The following RYR2 variants were observed in gnomAD, a reference collection of about 807,000 sequenced individuals.
RYR2 encodes the protein ryanodine receptor 2.
In RYR2, 227 loss-of-function variants were observed where a neutral mutation model predicts 601.1. The ratio of observed to expected loss-of-function variants is 0.38; its 90% CI spans 0.34 to 0.42. The LOEUF is 0.42. Ranked by LOEUF, RYR2 falls within the 10% of genes least tolerant of loss-of-function variation. RYR2 has a pLI of 1.00. For missense variants in RYR2, 4,646 were observed against 6,156.5 expected (o/e 0.75, Z 8.21); for synonymous variants, 2,223 against 2,175.1 (o/e 1.02, Z -0.61).
intron 90 of RYR2, 105 bp downstream of exon 90, chr1:237,785,077 A>G: frequency 1.2e-6 from 1 of 832,142 alleles, no homozygotes; most frequent in Non-Finnish European, 2.0e-6. Context: ...GGTGTTACCT[A>G]TGTGACTTGA....
At chr1:237,165,897 A>G (rs2148883007) in intron 1 of RYR2, among the ~76,000 whole-genome samples, 1 of 152,252 alleles carries the variant, frequency 6.6e-6, no homozygotes, top group East Asian at 1.9e-4. Context: ...TTGTCAGGCA[A>G]GGGTGTGAGG....
In RYR2 at chr1:237,773,597, A is replaced by C; in HGVS notation, c.11724A>C (p.Lys3908Asn). 6.2e-7 allele frequency: 1 copy of C among 1,611,104 alleles called. No individual in the cohort carries two copies. The highest frequency in any genetic ancestry group is 8.5e-7 in the Non-Finnish European group (1 of 1,177,644). Reference protein sequence around the residue: ...IDEQGQRNFSKAIQVAKQVFN... With the variant: ...IDEQGQRNFSNAIQVAKQVFN... ...AACAAGGACAACGGAATTTCTCCAA[A>C]GCTATCCAAGTGGCAAAACAAGTCT... The change falls in exon 87 of 105, where the codon AAA becomes AAC. Residue 3908 changes from lysine (K) to asparagine (N), a missense_variant. By Grantham distance (94) the Lys-to-Asn change is moderately conservative. Transcript: ENST00000366574.
At chr1:237,631,204 T>C (rs1680209927) in intron 41 of RYR2, among the ~76,000 whole-genome samples, 1 of 152,218 alleles carries the variant, frequency 6.6e-6, no homozygotes, top group Non-Finnish European at 1.5e-5. Context: ...TTACTATGTT[T>C]ATTACAATGG....
At chr1:237,146,536 C>T (rs1047459294) in intron 1 of RYR2, among the ~76,000 whole-genome samples, 6 of 152,236 alleles carry the variant, frequency 3.9e-5, no homozygotes, top group East Asian at 3.9e-4. Flanking sequence ...TTGCAGGATG[C>T]GCTCCTTCTT....
intron 1 of RYR2, among the ~76,000 whole-genome samples, chr1:237,243,003 T>G (rs147418245): frequency 2.6e-5 from 4 of 152,292 alleles, no homozygotes; most frequent in African/African-American, 9.6e-5. Flanking sequence ...CCCCACTGTT[T>G]CTTGGCAGTG....
At chr1:237,527,685 G>A (rs1216838984) in intron 24 of RYR2, among the ~76,000 whole-genome samples, 2 of 151,830 alleles carry the variant, frequency 1.3e-5, no homozygotes, top group Non-Finnish European at 2.9e-5. Flanking sequence ...TATCCTTCTT[G>A]GAATATCTTA....
Position 237,050,792 on chromosome 1 carries a change from A to G in RYR2, c.48+8223A>G, listed in dbSNP as rs563416521. Among the ~76,000 whole-genome samples the G allele has an allele frequency of 3.9e-5, 6 of 152,368 alleles. No homozygotes were observed. The East Asian group carries it at 1.2e-3, about 29-fold the overall frequency. On this transcript the variant is annotated intron_variant, in intron 1 of 104. Transcript: ENST00000366574. ...AGTCAATTGGGATATTGTTAAAATG[A>G]AGCCGAACAGCACACTGAGGTGATA...
intron 1 of RYR2, among the ~76,000 whole-genome samples, chr1:237,125,966 G>A (rs1363017712): frequency 6.6e-6 from 1 of 152,250 alleles, no homozygotes; most frequent in Non-Finnish European, 1.5e-5. Context: ...GCCGGGCACA[G>A]TGGCTCACGC....
At chr1:237,373,520 G>T (rs539427094) in intron 6 of RYR2, among the ~76,000 whole-genome samples, 2 of 152,278 alleles carry the variant, frequency 1.3e-5, no homozygotes, top group South Asian at 4.1e-4. Flanking sequence ...CACTTGCTTC[G>T]TGATGGTAGT....
At chr1:237,363,488 T>C (rs1369392688) in intron 4 of RYR2, among the ~76,000 whole-genome samples, 1 of 152,072 alleles carries the variant, frequency 6.6e-6, no homozygotes, top group Non-Finnish European at 1.5e-5. Flanking sequence ...ATTGGAAAAC[T>C]TTTCCTTGCT....
chr1:237,099,298 C>T (rs902183299), intron 1 of RYR2, among the ~76,000 whole-genome samples: 4 of 151,972 alleles, frequency 2.6e-5, no homozygotes, highest in East Asian at 1.9e-4. Context: ...AGTGTGGTGG[C>T]GTGATCATGG....
chr1:237,183,825 A>G (rs1209279350), intron 1 of RYR2, among the ~76,000 whole-genome samples: 1 of 152,196 alleles, frequency 6.6e-6, no homozygotes, highest in Non-Finnish European at 1.5e-5. Flanking sequence ...GGCCAGTGAG[A>G]AGGGAGGACA....
At chr1:237,762,592 T>G (rs531709228) in intron 84 of RYR2, among the ~76,000 whole-genome samples, 192 of 152,324 alleles carry the variant, frequency 1.3e-3, no homozygotes, top group African/African-American at 4.4e-3. Flanking sequence ...GTTATTTTCC[T>G]CAGCCTCCTT....
At chr1:237,428,553 C>G (rs1397853715) in intron 12 of RYR2, among the ~76,000 whole-genome samples, 1 of 151,232 alleles carries the variant, frequency 6.6e-6, no homozygotes, top group Non-Finnish European at 1.5e-5. Context: ...ACAGTGAGAA[C>G]ACATGGACAC....
chr1:237,440,088 A>T (rs1432527215), intron 12 of RYR2, among the ~76,000 whole-genome samples: 2 of 152,164 alleles, frequency 1.3e-5, no homozygotes, highest in Non-Finnish European at 2.9e-5. Context: ...GTTGACCTTG[A>T]CATTTTGTGT....
chr1:237,577,599 G>A (rs902432970), intron 29 of RYR2, among the ~76,000 whole-genome samples: 7 of 151,664 alleles, frequency 4.6e-5, no homozygotes, highest in African/African-American at 1.7e-4. Context: ...GTCAGGGAAA[G>A]CCAGAGACCT....
rs555183066 is a variant in RYR2, at chr1:237,369,577, C to T, written c.353C>T (p.Ala118Val). ...CATCGAACACTCCTCTACGGACATGCCATATTGCTGCGCCATTCCTATAGT... is the reference window on the plus strand; with the variant it reads ...CATCGAACACTCCTCTACGGACATGTCATATTGCTGCGCCATTCCTATAGT... ...GGHRTLLYGH[A>V]ILLRHSYSGM... The change falls in exon 6 of 105, where the codon GCC becomes GTC. Residue 118 changes from alanine to valine, a missense_variant. Physicochemically the swap from Ala to Val is moderately conservative, Grantham distance 64. Transcript: ENST00000366574. 7.0e-6 allele frequency: 11 copies of T among 1,564,762 alleles called. No homozygotes were observed. In the South Asian group the frequency reaches 1.3e-4, roughly 18 times the overall value.
At chr1:237,078,767 A>T (rs973497615) in intron 1 of RYR2, among the ~76,000 whole-genome samples, 10 of 137,610 alleles carry the variant, frequency 7.3e-5, no homozygotes, top group Non-Finnish European at 1.6e-4. Context: ...ATCCTCCCTA[A>T]GTCATTTTAT....
intron 1 of RYR2, among the ~76,000 whole-genome samples, chr1:237,187,361 T>A (rs1679468078): frequency 6.6e-6 from 1 of 151,106 alleles, no homozygotes; most frequent in Non-Finnish European, 1.5e-5. Flanking sequence ...GATGGTTGTC[T>A]CGATCTCCTG....
Sources: allele counts gnomAD v4.1 joint callset (sites outside exome capture counted in the v4.1 genomes callset), GRCh38; gene constraint gnomAD v4.1.1; transcripts MANE v1.5; gene names NCBI Gene and HGNC (gene_info 2026-07-23, HGNC 2026-07-21).